GALNT13: variants seen among roughly 807,000 people sequenced by gnomAD.
The protein encoded by GALNT13 is polypeptide N-acetylgalactosaminyltransferase 13, also known as UDP-GalNAc:polypeptide N-acetylgalactosaminyltransferase 13.
GALNT13 carries 28 observed loss-of-function variants against 64.2 expected under a neutral mutation model. That is an observed-to-expected ratio of 0.44 (90% CI 0.32 to 0.60). The LOEUF is 0.60. GALNT13 is among the 20% of genes least tolerant of loss of function. GALNT13 has a pLI of 0.05. For synonymous variants in GALNT13, 214 were observed against 224.6 expected, an observed-to-expected ratio of 0.95 and a Z score of 0.42; for missense variants, 577 against 669.8, an observed-to-expected ratio of 0.86 and a Z score of 1.53.
In GALNT13 at chr2:154,438,726, G is replaced by C; in HGVS notation, c.1530G>C (p.Glu510Asp). ...RGNQLWEYDA[E>D]RLTLRHVNSN... ...ATCAGTTATGGGAATATGATGCTGA[G>C]GTATAGTATTTTCTTAATTTACTTA... is the stretch of plus-strand genomic sequence containing the variant. The change falls in exon 12 of 13, where the codon GAG (glutamate) becomes GAC (aspartate). Residue 510 changes from glutamate (E) to aspartate (D), a missense_variant and splice_region_variant. Glu to Asp is a conservative substitution (Grantham distance 45). Around this residue, in one of 3 missense-constraint regions of GALNT13, gnomAD observed 232 missense variants for 270.6 expected, o/e 0.86. Coordinates refer to ENST00000392825, the MANE Select transcript of GALNT13 (RefSeq NM_052917.4). The C allele has an allele frequency of 6.3e-7, 1 of 1,595,198 alleles. No individual in the cohort carries two copies. Among genetic ancestry groups the C allele is most frequent in the Non-Finnish European group, 8.6e-7 (1 of 1,169,566 alleles).
intron 1 of GALNT13, among the ~76,000 whole-genome samples, chr2:153,883,012 A>G (rs1686886218): frequency 6.7e-6 from 1 of 148,814 alleles, no homozygotes; most frequent in Admixed American, 6.7e-5. Flanking sequence ...ACAGAGGACC[A>G]TAAAAGAGAC....
the GALNT13 span, among the ~76,000 whole-genome samples, chr2:153,071,871 T>G: frequency 6.6e-6 from 1 of 152,176 alleles, no homozygotes; most frequent in East Asian, 1.9e-4. Flanking sequence ...AGACCATATG[T>G]GGCCCAGAAA....
chr2:153,402,996 G>T, the GALNT13 span, among the ~76,000 whole-genome samples: 3 of 151,758 alleles, frequency 2.0e-5, no homozygotes, highest in African/African-American at 7.3e-5. Flanking sequence ...TGGAGGAGGA[G>T]AGGCACTCTG....
chr2:154,331,298 G>C (rs936609430), intron 9 of GALNT13, among the ~76,000 whole-genome samples: 2 of 151,578 alleles, frequency 1.3e-5, no homozygotes. Context: ...TTTTTTAACT[G>C]TTCCCCTATG....
intron 8 of GALNT13, among the ~76,000 whole-genome samples, chr2:154,294,836 C>CA (rs772791858): frequency 2.2e-4 from 33 of 152,182 alleles, no homozygotes; most frequent in Non-Finnish European, 3.2e-4. Context: ...AAATATAGGG[C>CA]AGAACCCCTG....
the GALNT13 span, among the ~76,000 whole-genome samples, chr2:153,331,087 A>G: frequency 1.2e-4 from 18 of 152,246 alleles, no homozygotes; most frequent in African/African-American, 2.9e-4. Flanking sequence ...ATTGATTTGC[A>G]TATATTGAAC....
the GALNT13 span, among the ~76,000 whole-genome samples, chr2:153,572,403 A>C: frequency 6.6e-6 from 1 of 151,172 alleles, no homozygotes; most frequent in Non-Finnish European, 1.5e-5. Flanking sequence ...AAAAAACAAA[A>C]TTTTGTTTTA....
At chr2:154,407,569 A>G (rs1220375923) in intron 10 of GALNT13, among the ~76,000 whole-genome samples, 1 of 148,826 alleles carries the variant, frequency 6.7e-6, no homozygotes, top group Non-Finnish European at 1.5e-5. Context: ...CTGAAATCAG[A>G]TTGAGAATAT....
chr2:153,424,521 A>G, the GALNT13 span, among the ~76,000 whole-genome samples: 2 of 151,884 alleles, frequency 1.3e-5, no homozygotes, highest in South Asian at 2.1e-4. Flanking sequence ...TTAACATTAG[A>G]AAGAATGTTA....
chr2:154,005,705 C>T (rs1696200504), intron 3 of GALNT13, among the ~76,000 whole-genome samples: 1 of 150,616 alleles, frequency 6.6e-6, no homozygotes, highest in South Asian at 2.1e-4. Flanking sequence ...TACTTAAATA[C>T]TTCGATTTAT....
At chr2:153,479,731 G>A in the GALNT13 span, among the ~76,000 whole-genome samples, 1 of 152,144 alleles carries the variant, frequency 6.6e-6, no homozygotes, top group Non-Finnish European at 1.5e-5. Context: ...TTTTCCATAA[G>A]CTGATGTATT....
chr2:153,522,527 T>C, the GALNT13 span, among the ~76,000 whole-genome samples: 1 of 152,160 alleles, frequency 6.6e-6, no homozygotes, highest in Non-Finnish European at 1.5e-5. Flanking sequence ...TTTCTGTTGG[T>C]GGTGGTGTTT....
chr2:154,413,762 T>C (rs1699891337), intron 11 of GALNT13, among the ~76,000 whole-genome samples: 1 of 152,062 alleles, frequency 6.6e-6, no homozygotes, highest in Non-Finnish European at 1.5e-5. Context: ...ATAATTTAGC[T>C]TCTCATTTGC....
chr2:153,555,463 G>A, the GALNT13 span, among the ~76,000 whole-genome samples: 1 of 104,432 alleles, frequency 9.6e-6, no homozygotes, highest in Non-Finnish European at 2.0e-5. Flanking sequence ...CAAAGTGCTG[G>A]GATTACAGGC....
intron 3 of GALNT13, among the ~76,000 whole-genome samples, chr2:154,030,972 GA>G (rs1183314914): frequency 4.6e-5 from 7 of 152,098 alleles, no homozygotes; most frequent in African/African-American, 7.2e-5. Flanking sequence ...AGAAAGAAGT[GA>G]AGGGCGCTGA....
chr2:153,803,986 A>G, the GALNT13 span, among the ~76,000 whole-genome samples: 1 of 152,168 alleles, frequency 6.6e-6, no homozygotes. Flanking sequence ...TCATCCCTCG[A>G]ACATTTAACC....
chr2:153,163,541 C>A, the GALNT13 span, among the ~76,000 whole-genome samples: 1 of 152,062 alleles, frequency 6.6e-6, no homozygotes, highest in African/African-American at 2.4e-5. Flanking sequence ...AGCTCTCAAC[C>A]CTCAGAACTT....
the GALNT13 span, among the ~76,000 whole-genome samples, chr2:153,681,102 C>T: frequency 4.0e-5 from 6 of 151,874 alleles, no homozygotes; most frequent in Non-Finnish European, 8.8e-5. Context: ...AATAATTCCT[C>T]CATTAAGCTA....
chr2:154,280,564 A>G (rs1691910250), intron 8 of GALNT13, among the ~76,000 whole-genome samples: 1 of 152,238 alleles, frequency 6.6e-6, no homozygotes, highest in Non-Finnish European at 1.5e-5. Context: ...GGAGAGGTGG[A>G]CATTTACAGA....
Sources: allele counts gnomAD v4.1 joint callset (sites outside exome capture counted in the v4.1 genomes callset), GRCh38; gene constraint gnomAD v4.1.1; regional missense constraint gnomAD v4.1.1; transcripts MANE v1.5; gene names NCBI Gene and HGNC (gene_info 2026-07-23, HGNC 2026-07-21).